Variants in SLC4A10 observed in about 807,000 individuals in gnomAD.
SLC4A10 encodes the protein solute carrier family 4 member 10.
In SLC4A10, 42 loss-of-function variants were observed where a neutral mutation model predicts 137.7. That is an observed-to-expected ratio of 0.30 (90% CI 0.24 to 0.39). SLC4A10 has a LOEUF of 0.39. SLC4A10 is among the 10% of genes least tolerant of loss of function. The pLI, the probability that SLC4A10 is intolerant of heterozygous loss-of-function variation, is 1.00. For synonymous variants in SLC4A10, 474 were observed against 464.1 expected, an observed-to-expected ratio of 1.02 and a Z score of -0.27; for missense variants, 925 against 1,355.0, an observed-to-expected ratio of 0.68 and a Z score of 4.98.
At chr2:161,817,121 C>G (rs1173797063) in intron 3 of SLC4A10, among the ~76,000 whole-genome samples, 4 of 152,186 alleles carry the variant, frequency 2.6e-5, no homozygotes, top group East Asian at 1.9e-4. Flanking sequence ...TCCTATTTCT[C>G]CACATCCTCT....
At position 161,855,036 on chromosome 2, in the gene SLC4A10, T is replaced by G. The variant is rs1453548358; in HGVS notation, c.483T>G (p.Thr161=). ...GERWSKPYVA[T]LSLHSLFELR... ...GGTGGAGCAAGCCTTATGTGGCTAC[T>G]CTTTCATTGCACAGCTTGTTTGAAT... is the stretch of plus-strand genomic sequence containing the variant. Residue 161 remains threonine (T), a synonymous_variant, in exon 5 of 27, where the codon ACT becomes ACG. Coordinates refer to ENST00000446997, the MANE Select transcript of SLC4A10 (RefSeq NM_001178015.2). The G allele has an allele frequency of 6.2e-7, 1 of 1,613,510 alleles. No individual in the cohort carries two copies. Among genetic ancestry groups the G allele is most frequent in the Non-Finnish European group, 8.5e-7 (1 of 1,179,644 alleles).
intron 3 of SLC4A10, among the ~76,000 whole-genome samples, chr2:161,811,704 A>T (rs1658621513): frequency 6.6e-6 from 1 of 152,068 alleles, no homozygotes; most frequent in African/African-American, 2.4e-5. Context: ...CATCAGAAAG[A>T]ACTCACTTTA....
chr2:161,783,638 G>A (rs912671804), intron 2 of SLC4A10, among the ~76,000 whole-genome samples: 2 of 151,848 alleles, frequency 1.3e-5, no homozygotes, highest in African/African-American at 2.4e-5. Context: ...AAATGTGTAT[G>A]GGAAGGAGAG....
chr2:161,731,899 A>G (rs923457665), intron 1 of SLC4A10, among the ~76,000 whole-genome samples: 67 of 152,302 alleles, frequency 4.4e-4, no homozygotes, highest in African/African-American at 1.5e-3. Flanking sequence ...ACAATATTGA[A>G]AAGTTACTTA....
chr2:161,702,568 A>G (rs2043236801), intron 1 of SLC4A10, among the ~76,000 whole-genome samples: 1 of 151,830 alleles, frequency 6.6e-6, no homozygotes, highest in Non-Finnish European at 1.5e-5. Context: ...TATATCTGAT[A>G]GTCATTTGGA....
At chr2:161,765,958 A>G (rs192035417) in intron 1 of SLC4A10, among the ~76,000 whole-genome samples, 3 of 152,256 alleles carry the variant, frequency 2.0e-5, no homozygotes, top group African/African-American at 7.2e-5. Flanking sequence ...TTTGAATAAT[A>G]TTGAAATGAT....
chr2:161,834,451 T>C (rs564095544), intron 3 of SLC4A10, among the ~76,000 whole-genome samples: 65 of 152,180 alleles, frequency 4.3e-4, no homozygotes, highest in African/African-American at 1.6e-3. Flanking sequence ...AGGAGTAAAA[T>C]CAATGATCTT....
At chr2:161,772,866 A>G (rs1386111319) in intron 2 of SLC4A10, among the ~76,000 whole-genome samples, 1 of 151,888 alleles carries the variant, frequency 6.6e-6, no homozygotes, top group Non-Finnish European at 1.5e-5. Context: ...CAAAAATTTA[A>G]TAGATCTACT....
intron 2 of SLC4A10, among the ~76,000 whole-genome samples, chr2:161,789,359 G>T (rs912750205): frequency 2.0e-5 from 3 of 152,124 alleles, no homozygotes; most frequent in Admixed American, 2.0e-4. Flanking sequence ...GTGTCTGCCA[G>T]ACTTTTGCTG....
intron 1 of SLC4A10, chr2:161,651,252 A>C (rs1475314232): frequency 6.6e-6 from 1 of 152,322 alleles, no homozygotes; most frequent in Non-Finnish European, 1.5e-5. Context: ...CTCTGCTGAG[A>C]GCTGGACACT....
At chr2:161,843,481 A>G (rs1217230210) in intron 4 of SLC4A10, among the ~76,000 whole-genome samples, 2 of 152,156 alleles carry the variant, frequency 1.3e-5, no homozygotes, top group Non-Finnish European at 2.9e-5. Flanking sequence ...TTTGAGCTTC[A>G]GGGAGACATC....
chr2:161,878,968 A>G, intron 8 of SLC4A10, among the ~76,000 whole-genome samples, 163 bp from the exon 9 acceptor site: 1 of 152,190 alleles, frequency 6.6e-6, no homozygotes, highest in Non-Finnish European at 1.5e-5. Context: ...CAAGTAAAGA[A>G]AAAAGGTTAT....
intron 11 of SLC4A10, among the ~76,000 whole-genome samples, chr2:161,897,242 G>A (rs545475592): frequency 9.9e-5 from 15 of 152,080 alleles, no homozygotes; most frequent in Admixed American, 5.2e-4. Flanking sequence ...TAAATTGCAG[G>A]CATGAGTATT....
intron 1 of SLC4A10, among the ~76,000 whole-genome samples, chr2:161,770,182 A>G (rs2051406248): frequency 6.6e-6 from 1 of 151,884 alleles, no homozygotes; most frequent in African/African-American, 2.4e-5. Context: ...CAGCTAGATA[A>G]AAGTTGGAAA....
intron 1 of SLC4A10, among the ~76,000 whole-genome samples, chr2:161,690,984 G>A (rs1189276012): frequency 6.6e-6 from 1 of 151,654 alleles, no homozygotes; most frequent in Non-Finnish European, 1.5e-5. Flanking sequence ...ATTTGAAAGT[G>A]GTGATAACCA....
At chr2:161,768,494 G>T (rs564730291) in intron 1 of SLC4A10, among the ~76,000 whole-genome samples, 3 of 152,110 alleles carry the variant, frequency 2.0e-5, no homozygotes, top group African/African-American at 7.2e-5. Flanking sequence ...CCTTTCTCTA[G>T]TGGATCTGGC....
chr2:161,671,821 A>G (rs2039761856), intron 1 of SLC4A10, among the ~76,000 whole-genome samples: 1 of 152,256 alleles, frequency 6.6e-6, no homozygotes, highest in Non-Finnish European at 1.5e-5. Context: ...AGACAGATAG[A>G]TGAAAATTAT....
chr2:161,882,506 G>C, intron 10 of SLC4A10, 62 bp downstream of exon 10: 1 of 1,048,338 alleles, frequency 9.5e-7, no homozygotes. Context: ...ACTTTTGGAG[G>C]TCCTCTTTTC....
intron 1 of SLC4A10, among the ~76,000 whole-genome samples, chr2:161,692,600 G>T: frequency 6.6e-6 from 1 of 152,032 alleles, no homozygotes; most frequent in East Asian, 1.9e-4. Context: ...CGTTGCTAAT[G>T]AAAGACTCTT....
Sources: allele counts gnomAD v4.1 joint callset (sites outside exome capture counted in the v4.1 genomes callset), GRCh38; gene constraint gnomAD v4.1.1; transcripts MANE v1.5; gene names NCBI Gene and HGNC (gene_info 2026-07-23, HGNC 2026-07-21).